Variants in FRMD4B observed in about 807,000 individuals in gnomAD.
FRMD4B encodes the protein FERM domain-containing protein 4B.
In FRMD4B, 74 loss-of-function variants were observed where a neutral mutation model predicts 141.5. The observed-to-expected ratio is 0.52, with a 90% CI of 0.43 to 0.63. The LOEUF (loss-of-function observed/expected upper bound fraction) is 0.63. Among genes scored for constraint, FRMD4B ranks in the 30% least tolerant of loss-of-function variants. FRMD4B has a pLI of 0.00. For missense variants in FRMD4B, 1,366 were observed against 1,253.4 expected, an observed-to-expected ratio of 1.09 and a Z score of -1.36; for synonymous variants, 506 against 467.9, an observed-to-expected ratio of 1.08 and a Z score of -1.05.
chr3:69,202,072 G>A (rs532194993), intron 11 of FRMD4B, among the ~76,000 whole-genome samples: 3 of 152,056 alleles, frequency 2.0e-5, no homozygotes, highest in Non-Finnish European at 4.4e-5. Flanking sequence ...GGTATGGTGC[G>A]AGAGTCTATG....
At chr3:69,473,676 G>A (rs12492881) in intron 1 of FRMD4B, among the ~76,000 whole-genome samples, 62,609 of 151,948 alleles carry the variant, frequency 0.41, 13,035 homozygotes, top group East Asian at 0.5. Flanking sequence ...CCATCCATGT[G>A]GGCATTCACA....
intron 11 of FRMD4B, among the ~76,000 whole-genome samples, chr3:69,215,282 C>CTTTGTTTTTTT (rs1559724064): frequency 2.7e-5 from 1 of 37,474 alleles, no homozygotes; most frequent in African/African-American, 6.6e-5. Context: ...GATTGTGACC[C>CTTTGTTTTTTT]TCTTTTTTTT....
chr3:69,196,156 C>T, intron 14 of FRMD4B, 99 bp downstream of exon 14: 1 of 950,602 alleles, frequency 1.1e-6, no homozygotes, highest in Admixed American at 2.8e-5. Context: ...TATTTATTCC[C>T]AAAATAATGG....
intron 1 of FRMD4B, among the ~76,000 whole-genome samples, chr3:69,538,392 C>T (rs1701115626): frequency 6.6e-6 from 1 of 152,160 alleles, no homozygotes; most frequent in South Asian, 2.1e-4. Context: ...ATAGCACTAA[C>T]AGACACATGC....
At chr3:69,232,522 C>A (rs534822649) in intron 7 of FRMD4B, among the ~76,000 whole-genome samples, 1 of 152,196 alleles carries the variant, frequency 6.6e-6, no homozygotes, top group African/African-American at 2.4e-5. Context: ...TGAAGCCCCC[C>A]TTTCACAGGC....
chr3:69,202,182 G>A (rs1200854207), intron 11 of FRMD4B, among the ~76,000 whole-genome samples: 1 of 151,978 alleles, frequency 6.6e-6, no homozygotes, highest in Non-Finnish European at 1.5e-5. Flanking sequence ...CAACCTTGGC[G>A]ACAAGAGCGA....
At chr3:69,334,632 T>C (rs1480088136) in intron 1 of FRMD4B, among the ~76,000 whole-genome samples, 1 of 152,188 alleles carries the variant, frequency 6.6e-6, no homozygotes, top group East Asian at 1.9e-4. Flanking sequence ...GCATTCTTCC[T>C]ACTGGGTACC....
At chr3:69,303,251 G>A (rs957142301) in intron 3 of FRMD4B, among the ~76,000 whole-genome samples, 1 of 92,316 alleles carries the variant, frequency 1.1e-5, no homozygotes. Context: ...CCAGGTGTTT[G>A]AGGCTGCAGT....
chr3:69,497,399 T>A (rs1251909970), intron 1 of FRMD4B, among the ~76,000 whole-genome samples: 2 of 152,178 alleles, frequency 1.3e-5, no homozygotes, highest in African/African-American at 4.8e-5. Flanking sequence ...GTGTTTATAA[T>A]TTATATCCTG....
At chr3:69,221,711 A>T in intron 9 of FRMD4B, 147 bp downstream of exon 9, 1 of 625,042 alleles carries the variant, frequency 1.6e-6, no homozygotes, top group South Asian at 1.8e-5. Context: ...GTATAGAATG[A>T]CCGAAGACAT....
At chr3:69,491,214 G>C (rs9310162) in intron 1 of FRMD4B, among the ~76,000 whole-genome samples, 3,039 of 152,200 alleles carry the variant, frequency 0.02, 97 homozygotes, top group African/African-American at 0.067. Context: ...GCCATGCAGC[G>C]ATTACTCAGA....
intron 2 of FRMD4B, among the ~76,000 whole-genome samples, chr3:69,396,742 G>C (rs186218329): frequency 6.6e-6 from 1 of 152,284 alleles, no homozygotes; most frequent in Admixed American, 6.5e-5. Context: ...TACATTACTA[G>C]TGGGAATGTA....
At chr3:69,203,341 A>AAAAAAAAAAAAAAAAAAAG (rs1553700373) in intron 11 of FRMD4B, among the ~76,000 whole-genome samples, 1 of 76,980 alleles carries the variant, frequency 1.3e-5, no homozygotes, top group Non-Finnish European at 2.6e-5. Flanking sequence ...AAAAAAAAAA[A>AAAAAAAAAAAAAAAAAAAG]AAAGAAAGAA....
intron 11 of FRMD4B, among the ~76,000 whole-genome samples, chr3:69,205,271 G>C (rs968005416): frequency 6.6e-6 from 1 of 151,552 alleles, no homozygotes; most frequent in African/African-American, 2.4e-5. Context: ...TCGGGCTCGC[G>C]ATCCTCTGAT....
In FRMD4B at chr3:69,216,336, A is replaced by C; in HGVS notation, c.803T>G (p.Leu268Arg). Reference protein sequence around the residue: ...HYYAVKDKQGLPWWLGISYKG... With the variant: ...HYYAVKDKQGRPWWLGISYKG... ...ATAGCTTATTCCAAGCCACCAAGGA[A>C]GTCCTTGCTTATCCTAGAAGATGAA... Residue 268 changes from leucine (L) to arginine (R), a missense_variant, in exon 11 of 23, where the codon CTT becomes CGT. Coordinates refer to ENST00000398540, the MANE Select transcript of FRMD4B (RefSeq NM_015123.3). The C allele has an allele frequency of 1.3e-6, 2 of 1,551,782 alleles. No homozygotes were observed. Among genetic ancestry groups the C allele is most frequent in the Non-Finnish European group, 1.8e-6 (2 of 1,134,706 alleles).
intron 2 of FRMD4B, among the ~76,000 whole-genome samples, chr3:69,393,181 A>T (rs1171220404): frequency 6.6e-6 from 1 of 152,196 alleles, no homozygotes; most frequent in Non-Finnish European, 1.5e-5. Context: ...CTTTGGCTTC[A>T]GCAAACTCAT....
At chr3:69,302,757 T>C (rs1172620121) in intron 3 of FRMD4B, among the ~76,000 whole-genome samples, 1 of 152,178 alleles carries the variant, frequency 6.6e-6, no homozygotes, top group East Asian at 1.9e-4. Context: ...TCCAAGAGGA[T>C]ATTGTTTAAA....
At chr3:69,411,042 G>A (rs751937188) in intron 2 of FRMD4B, among the ~76,000 whole-genome samples, 1 of 152,062 alleles carries the variant, frequency 6.6e-6, no homozygotes, top group Non-Finnish European at 1.5e-5. Context: ...GCAAACTAGA[G>A]ATGGCATCCC....
chr3:69,226,103 G>A (rs941788619), intron 7 of FRMD4B, among the ~76,000 whole-genome samples: 1 of 152,200 alleles, frequency 6.6e-6, no homozygotes, highest in African/African-American at 2.4e-5. Flanking sequence ...GCCAAACACT[G>A]AACCATTCCT....
Sources: gnomAD v4.1 joint callset for allele counts (sites outside exome capture counted in the v4.1 genomes callset) on GRCh38, gnomAD v4.1.1 for gene constraint, MANE v1.5 for transcripts, NCBI Gene and HGNC (gene_info 2026-07-23, HGNC 2026-07-21) for gene names.